ARHGAP26: variants seen among roughly 807,000 people sequenced by gnomAD.
ARHGAP26 encodes the protein Rho GTPase activating protein 26.
ARHGAP26 carries 38 observed loss-of-function variants against 104.8 expected under a neutral mutation model. The observed-to-expected ratio is 0.36, with a 90% CI of 0.28 to 0.48. The LOEUF (loss-of-function observed/expected upper bound fraction) is 0.48. Among genes scored for constraint, ARHGAP26 ranks in the 20% least tolerant of loss-of-function variants. ARHGAP26 has a pLI of 0.99. For synonymous variants in ARHGAP26, 341 were observed against 340.0 expected, an observed-to-expected ratio of 1.00 and a Z score of -0.03; for missense variants, 704 against 947.9, an observed-to-expected ratio of 0.74 and a Z score of 3.38.
intron 11 of ARHGAP26, among the ~76,000 whole-genome samples, chr5:142,945,047 G>T (rs148917437): frequency 1.4e-4 from 22 of 152,052 alleles, no homozygotes; most frequent in Non-Finnish European, 2.1e-4. Flanking sequence ...TGTGTGATTC[G>T]ACAGGGAACC....
intron 11 of ARHGAP26, among the ~76,000 whole-genome samples, chr5:142,963,183 T>TAC (rs1562164500): frequency 2.8e-5 from 3 of 107,436 alleles, no homozygotes; most frequent in African/African-American, 1.5e-4. Context: ...TATATATATA[T>TAC]ATATATATAT....
intron 12 of ARHGAP26, among the ~76,000 whole-genome samples, chr5:143,021,059 G>T (rs1407431746): frequency 1.3e-5 from 2 of 152,208 alleles, no homozygotes; most frequent in African/African-American, 2.4e-5. Flanking sequence ...ATTGAAGAAG[G>T]AAATATGAAC....
intron 1 of ARHGAP26, among the ~76,000 whole-genome samples, chr5:142,787,003 G>C (rs533264525): frequency 9.2e-5 from 14 of 152,198 alleles, no homozygotes; most frequent in African/African-American, 3.4e-4. Context: ...AAGACATTCT[G>C]GTTCTAGAGA....
chr5:142,962,938 TCTTCTCC>T (rs1168295732), intron 11 of ARHGAP26, among the ~76,000 whole-genome samples: 2 of 151,922 alleles, frequency 1.3e-5, no homozygotes, highest in Non-Finnish European at 2.9e-5. Context: ...TTTTTTCCAA[TCTTCTCC>T]CTTCTCCCAC....
intron 20 of ARHGAP26, among the ~76,000 whole-genome samples, chr5:143,177,782 C>G (rs1207749505): frequency 2.0e-5 from 3 of 152,142 alleles, no homozygotes; most frequent in Non-Finnish European, 4.4e-5. Flanking sequence ...GATTCCTGCT[C>G]TAAGCTGTAA....
At chr5:143,134,293 T>C (rs888827889) in intron 19 of ARHGAP26, among the ~76,000 whole-genome samples, 188 bp downstream of exon 19, 6 of 152,180 alleles carry the variant, frequency 3.9e-5, no homozygotes, top group Non-Finnish European at 1.5e-5. Flanking sequence ...GCAATATTAT[T>C]GAGAATGAAA....
At chr5:142,846,768 G>C (rs1415460947) in intron 1 of ARHGAP26, among the ~76,000 whole-genome samples, 1 of 152,120 alleles carries the variant, frequency 6.6e-6, no homozygotes. Context: ...TGAGTAGTTT[G>C]GCAGATGTCC....
intron 20 of ARHGAP26, among the ~76,000 whole-genome samples, chr5:143,153,047 G>A (rs1347915320): frequency 1.3e-5 from 2 of 152,204 alleles, no homozygotes; most frequent in African/African-American, 4.8e-5. Context: ...CAGCTGTCTT[G>A]GGATGGGGCT....
At chr5:142,983,983 AAT>A (rs1174144535) in intron 11 of ARHGAP26, among the ~76,000 whole-genome samples, 1 of 152,232 alleles carries the variant, frequency 6.6e-6, no homozygotes, top group East Asian at 1.9e-4. Flanking sequence ...TTTAGGCATT[AAT>A]ATATATGATA....
chr5:142,899,529 C>T (rs10056531), intron 6 of ARHGAP26, among the ~76,000 whole-genome samples: 17,864 of 152,080 alleles, frequency 0.12, 2,053 homozygotes, highest in African/African-American at 0.3. Flanking sequence ...CCGTGGACAG[C>T]TGACCCCTCT....
intron 17 of ARHGAP26, among the ~76,000 whole-genome samples, chr5:143,095,583 C>T (rs1489411774): frequency 6.6e-6 from 1 of 152,120 alleles, no homozygotes; most frequent in Non-Finnish European, 1.5e-5. Context: ...TGGAAGATGA[C>T]TGGATAAATC....
At chr5:143,087,636 C>CTTTTTTTTTTTTTTTTTTTTTTTTTTTT (rs35201189) in intron 17 of ARHGAP26, among the ~76,000 whole-genome samples, 2 of 51,566 alleles carry the variant, frequency 3.9e-5, no homozygotes, top group African/African-American at 7.8e-5. Flanking sequence ...CTGGCCCATT[C>CTTTTTTTTTTTTTTTTTTTTTTTTTTTT]TTTTTTTTTT....
intron 14 of ARHGAP26, among the ~76,000 whole-genome samples, chr5:143,049,655 T>C (rs1784716471): frequency 6.6e-6 from 1 of 152,226 alleles, no homozygotes; most frequent in Admixed American, 6.5e-5. Context: ...GGATAGATTC[T>C]CCTTGTTCTG....
intron 20 of ARHGAP26, among the ~76,000 whole-genome samples, chr5:143,201,336 T>C (rs1807693712): frequency 1.3e-5 from 2 of 152,188 alleles, no homozygotes; most frequent in Admixed American, 1.3e-4. Context: ...CCTTTAGCAG[T>C]CATCTGCTAA....
intron 17 of ARHGAP26, among the ~76,000 whole-genome samples, chr5:143,079,597 C>G (rs1789521837): frequency 6.6e-6 from 1 of 152,220 alleles, no homozygotes; most frequent in Non-Finnish European, 1.5e-5. Flanking sequence ...ACCCTTCTCA[C>G]TGTCAGACCG....
chr5:142,806,545 G>A (rs1763027138), intron 1 of ARHGAP26, among the ~76,000 whole-genome samples: 6 of 151,722 alleles, frequency 4.0e-5, no homozygotes, highest in Admixed American at 3.3e-4. Context: ...CCAAATCTGG[G>A]GACTACTTCT....
At chr5:142,796,998 A>G (rs980352304) in intron 1 of ARHGAP26, among the ~76,000 whole-genome samples, 3 of 152,218 alleles carry the variant, frequency 2.0e-5, no homozygotes, top group African/African-American at 7.2e-5. Context: ...GGTTGGCTAT[A>G]TCATCTGTGC....
intron 22 of ARHGAP26, among the ~76,000 whole-genome samples, chr5:143,218,161 GGAGA>G (rs1428407145): frequency 6.6e-6 from 1 of 152,226 alleles, no homozygotes; most frequent in East Asian, 1.9e-4. Flanking sequence ...GCAGAGTTAA[GGAGA>G]GAGACACTCT....
At chr5:143,035,674 G>C (rs1035752790) in intron 12 of ARHGAP26, among the ~76,000 whole-genome samples, 1 of 152,064 alleles carries the variant, frequency 6.6e-6, no homozygotes, top group Non-Finnish European at 1.5e-5. Context: ...GGTGGCTCAC[G>C]CCTGTAATCC....
Sources: allele counts gnomAD v4.1 joint callset (sites outside exome capture counted in the v4.1 genomes callset), GRCh38; gene constraint gnomAD v4.1.1; transcripts MANE v1.5; gene names NCBI Gene and HGNC (gene_info 2026-07-23, HGNC 2026-07-21).